The following PAIP1 variants were observed in gnomAD, a reference collection of about 807,000 sequenced individuals.
The protein encoded by PAIP1 is poly(A) binding protein interacting protein 1.
PAIP1 carries 16 observed loss-of-function variants against 61.3 expected under a neutral mutation model. The observed-to-expected ratio is 0.26, with a 90% confidence interval of 0.18 to 0.40. The LOEUF (loss-of-function observed/expected upper bound fraction) is 0.40, where lower values mean the gene tolerates loss of function less well. Among genes scored for constraint, PAIP1 ranks in the 10% least tolerant of loss-of-function variants. PAIP1 has a pLI of 1.00. For missense variants in PAIP1, 416 were observed against 600.9 expected, an observed-to-expected ratio of 0.69 and a Z score of 3.22; for synonymous variants, 187 against 226.2, an observed-to-expected ratio of 0.83 and a Z score of 1.56.
chr5:43,548,976 T>G (rs149793745), intron 2 of PAIP1, among the ~76,000 whole-genome samples: 325 of 152,354 alleles, frequency 2.1e-3, no homozygotes, highest in African/African-American at 7.4e-3. Flanking sequence ...AGTCTTGTTC[T>G]GTCGCCCAGG....
intron 10 of PAIP1, 132 bp from the exon 11 acceptor site, chr5:43,527,601 A>G: frequency 1.5e-6 from 1 of 687,810 alleles, no homozygotes; most frequent in South Asian, 3.4e-5. Context: ...TAACTTTAGA[A>G]TTACATTAAT....
rs1283562899 is a variant in PAIP1 at position 43,540,897 on chromosome 5, T to C, written c.735-1862A>G. Among the ~76,000 whole-genome samples, 3 of 152,098 alleles carry C rather than the reference T, an allele frequency of 2.0e-5. 1 individual carries two copies. Among genetic ancestry groups the C allele is most frequent in the Admixed American group, 2.0e-4 (3 of 15,274 alleles). Reference sequence around the variant, plus strand: ...CAAAGGGTTCAGACAGGATCTCGGCTTTAAGTATCTAGGTAACTCTAAGGC... The same window carrying C: ...CAAAGGGTTCAGACAGGATCTCGGCCTTAAGTATCTAGGTAACTCTAAGGC... On this transcript the variant is annotated intron_variant, in intron 4 of 10. Coordinates refer to ENST00000306846, the MANE Select transcript of PAIP1 (RefSeq NM_006451.5).
At position 43,557,000 on chromosome 5, in the gene PAIP1, G is replaced by T; in HGVS notation, c.-154C>A. 8.3e-7 allele frequency: 1 copy of T among 1,209,124 alleles called. No homozygotes were observed. The highest frequency in any genetic ancestry group is 1.0e-6 in the Non-Finnish European group (1 of 962,426). 74.9% of individuals were successfully genotyped at this position (1,209,124 alleles called of 1,614,324 possible). A position where few individuals can be genotyped will look rare whatever the true frequency, so the allele number is the denominator to read the frequency against. Reference sequence around the variant, plus strand: ...GCGGGCCCCGGCTCGGCTGCTCGGTGCTTCTGGCGGAGCGGACGGCAGCCC... The same window carrying T: ...GCGGGCCCCGGCTCGGCTGCTCGGTTCTTCTGGCGGAGCGGACGGCAGCCC... On this transcript the variant is annotated 5_prime_UTR_variant, in exon 1 of 11. Coordinates refer to ENST00000306846, the MANE Select transcript of PAIP1 (RefSeq NM_006451.5).
At chr5:43,551,880 A>G (rs1376512056) in intron 2 of PAIP1, among the ~76,000 whole-genome samples, 1 of 152,170 alleles carries the variant, frequency 6.6e-6, no homozygotes, top group East Asian at 1.9e-4. Flanking sequence ...TAAGCAAAAA[A>G]AGGAGGCATA....
At chr5:43,535,221 ATACTT>A (rs1316375629) in intron 7 of PAIP1, among the ~76,000 whole-genome samples, 3 of 152,182 alleles carry the variant, frequency 2.0e-5, no homozygotes, top group African/African-American at 7.2e-5. Context: ...GTGTCCTACT[ATACTT>A]ACAGTAGTAC....
chr5:43,531,679 A>AG (rs371135771), intron 9 of PAIP1, among the ~76,000 whole-genome samples: 1 of 140,780 alleles, frequency 7.1e-6, no homozygotes, highest in Non-Finnish European at 1.6e-5. Flanking sequence ...AAAAAAAAAG[A>AG]GAAAAAAAGA....
At chr5:43,546,999 C>T (rs1359430417) in intron 3 of PAIP1, among the ~76,000 whole-genome samples, 7 of 136,386 alleles carry the variant, frequency 5.1e-5, no homozygotes, top group South Asian at 2.4e-4. Flanking sequence ...GCTGAGACTG[C>T]GCCACTGCAC....
chr5:43,529,141 A>AAG (rs1177896677), intron 10 of PAIP1, among the ~76,000 whole-genome samples: 1 of 151,624 alleles, frequency 6.6e-6, no homozygotes, highest in Non-Finnish European at 1.5e-5. Context: ...AAAAAAAAAA[A>AAG]AAGACTCAAC....
At position 43,541,514 on chromosome 5, in the gene PAIP1, G is replaced by A. The variant is rs141683929; in HGVS notation, c.734+1490C>T. ...GATTTCAGCACAGAGAGTGAGATGGGAACTCATCTTTTTTTCCCAAATGAC... is the reference window on the plus strand; with the variant it reads ...GATTTCAGCACAGAGAGTGAGATGGAAACTCATCTTTTTTTCCCAAATGAC... On this transcript the variant is annotated intron_variant, in intron 4 of 10. Transcript: ENST00000306846. Among the ~76,000 whole-genome samples, 463 of 149,208 alleles carry A rather than the reference G, an allele frequency of 3.1e-3. 6 individuals are homozygous for A. Among genetic ancestry groups the A allele is most frequent in the African/African-American group, 0.011 (442 of 40,228 alleles).
rs1746750444 is a variant in PAIP1 at position 43,527,440 on chromosome 5, TC to T, written c.1375del (p.Asp459ThrfsTer4). ...PYLDDIDDEM[D>X]PEIEEAYEKF... ...TTCATAAGCTTCTTCTATCTCTGGG[TC>T]CATCTCATCATCAATATCATCCAAG... is the stretch of plus-strand genomic sequence containing the variant. On this transcript the variant is annotated frameshift_variant, in exon 11 of 11. Transcript: ENST00000306846. LOFTEE classifies it high-confidence loss of function. 6.2e-7 allele frequency: 1 copy of T among 1,607,818 alleles called. No individual in the cohort carries two copies. Among genetic ancestry groups the T allele is most frequent in the Non-Finnish European group, 8.5e-7 (1 of 1,177,222 alleles).
intron 2 of PAIP1, 135 bp downstream of exon 2, chr5:43,555,692 CAAT>C: frequency 3.3e-6 from 2 of 606,524 alleles, no homozygotes; most frequent in South Asian, 2.8e-5. Flanking sequence ...CTTCTGAGTT[CAAT>C]AATTCAAAAC....
In PAIP1 at chr5:43,556,847, G is replaced by GCTC. The variant is rs750311430; in HGVS notation, c.-4_-2dup. 169 of 1,432,536 alleles carry GCTC rather than the reference G, an allele frequency of 1.2e-4. No individual in the cohort carries two copies. The East Asian group carries it at 4.3e-3, about 37-fold the overall frequency. The allele number at this position is 1,432,536 out of a possible 1,614,324, so 88.7% of individuals were successfully genotyped here. ...GGGCCCGATCGAAACCGTCCGACAT[G>GCTC]CTCCTCCTCCTCCGCCTCCTCCTCC... is the stretch of plus-strand genomic sequence containing the variant. On this transcript the variant is annotated 5_prime_UTR_variant, in exon 1 of 11. Transcript: ENST00000306846.
intron 10 of PAIP1, among the ~76,000 whole-genome samples, chr5:43,527,830 AATAGAACATAATTT>A (rs1746767396): frequency 6.6e-6 from 1 of 152,210 alleles, no homozygotes; most frequent in East Asian, 1.9e-4. Flanking sequence ...TATAACTATT[AATAGAACATAATTT>A]CAAATATGCC....
At position 43,533,797 on chromosome 5, in the gene PAIP1, G is replaced by A; in HGVS notation, c.1198-5C>T. 6 of 1,512,858 alleles carry A rather than the reference G, an allele frequency of 4.0e-6. No homozygotes were observed. The highest frequency in any genetic ancestry group is 2.3e-5 in the East Asian group (1 of 44,416). 93.7% of individuals were successfully genotyped at this position (1,512,858 alleles called of 1,614,324 possible). On this transcript the variant is annotated splice_polypyrimidine_tract_variant and splice_region_variant and intron_variant, in intron 8 of 10. Coordinates refer to ENST00000306846, the MANE Select transcript of PAIP1 (RefSeq NM_006451.5). ...TGTATAAAATGTTGGTTCATTCTAGGATGAATCAAAGTGATAAAAATATGT... is the reference window on the plus strand; with the variant it reads ...TGTATAAAATGTTGGTTCATTCTAGAATGAATCAAAGTGATAAAAATATGT...
chr5:43,534,749 A>G lies in PAIP1; in HGVS notation c.1197+104T>C, dbSNP rs565515648. On this transcript the variant is annotated intron_variant, in intron 8 of 10. Transcript: ENST00000306846. Reference sequence around the variant, plus strand: ...CATGTCACTCAAAGCCAGTGAAGACAGTTATTAGGCACTGAATTCTGAGAA... The same window carrying G: ...CATGTCACTCAAAGCCAGTGAAGACGGTTATTAGGCACTGAATTCTGAGAA... 229 of 695,936 alleles carry G rather than the reference A, an allele frequency of 3.3e-4. 1 individual carries two copies. The East Asian group carries it at 5.7e-3, about 17-fold the overall frequency. 43.1% of individuals were successfully genotyped at this position (695,936 alleles called of 1,614,324 possible). A position where few individuals can be genotyped will look rare whatever the true frequency, so the allele number is the denominator to read the frequency against.
intron 9 of PAIP1, among the ~76,000 whole-genome samples, chr5:43,531,778 C>CTTTTTACAA (rs1746951779): frequency 6.6e-6 from 1 of 150,996 alleles, no homozygotes; most frequent in Admixed American, 6.6e-5. Context: ...TACAATTTTA[C>CTTTTTACAA]TTTTGTAACT....
intron 2 of PAIP1, among the ~76,000 whole-genome samples, chr5:43,553,454 G>GGCC (rs1383935727): frequency 6.6e-6 from 1 of 152,210 alleles, no homozygotes; most frequent in African/African-American, 2.4e-5. Context: ...GAGACTCCAT[G>GGCC]AAGACAGGAA....
At chr5:43,529,303 T>C (rs1746840978) in intron 10 of PAIP1, among the ~76,000 whole-genome samples, 1 of 152,214 alleles carries the variant, frequency 6.6e-6, no homozygotes, top group Non-Finnish European at 1.5e-5. Flanking sequence ...TTAATGGTTA[T>C]TTTCCTCAAC....
At chr5:43,537,709 G>A (rs1747208915) in intron 5 of PAIP1, among the ~76,000 whole-genome samples, 1 of 152,018 alleles carries the variant, frequency 6.6e-6, no homozygotes, top group Admixed American at 6.6e-5. Flanking sequence ...AAAAAATCAA[G>A]CAGAGGCTGG....
Sources: gnomAD v4.1 joint callset for allele counts (sites outside exome capture counted in the v4.1 genomes callset) on GRCh38, gnomAD v4.1.1 for gene constraint, MANE v1.5 for transcripts, NCBI Gene and HGNC (gene_info 2026-07-23, HGNC 2026-07-21) for gene names.